CSMD1: variants seen among roughly 807,000 people sequenced by gnomAD.
The protein encoded by CSMD1 is CUB and sushi domain-containing protein 1.
In CSMD1, 213 loss-of-function variants were observed where a neutral mutation model predicts 417.5. The observed-to-expected ratio is 0.51, with a 90% confidence interval of 0.46 to 0.57. The LOEUF is 0.57. CSMD1 is among the 20% of genes least tolerant of loss of function. CSMD1 has a pLI of 0.00. For synonymous variants in CSMD1, 2,862 were observed against 1,736.8 expected (o/e 1.65, Z -16.11); for missense variants, 6,923 against 4,529.7 (o/e 1.53, Z -15.17).
chr8:4,186,299 G>A (rs573036881), intron 3 of CSMD1, among the ~76,000 whole-genome samples: 1 of 152,204 alleles, frequency 6.6e-6, no homozygotes, highest in Admixed American at 6.5e-5. Context: ...CGTGTTCAAG[G>A]TTGGGGGCAG....
At chr8:4,009,826 G>C (rs534452448) in intron 4 of CSMD1, among the ~76,000 whole-genome samples, 1 of 152,204 alleles carries the variant, frequency 6.6e-6, no homozygotes, top group African/African-American at 2.4e-5. Context: ...TTCTCAGAGA[G>C]TCAACCCCAC....
chr8:3,639,521 T>C (rs982907641), intron 7 of CSMD1, among the ~76,000 whole-genome samples: 1 of 152,126 alleles, frequency 6.6e-6, no homozygotes, highest in African/African-American at 2.4e-5. Flanking sequence ...AAGACACAGA[T>C]AACATAATAG....
chr8:4,675,471 C>A lies in CSMD1; in HGVS notation c.86-37913G>T, dbSNP rs186609478. Among the ~76,000 whole-genome samples the A allele has an allele frequency of 2.6e-5, 4 of 152,140 alleles. No individual in the cohort carries two copies. The East Asian group carries it at 7.7e-4, about 29-fold the overall frequency. On this transcript the variant is annotated intron_variant, in intron 1 of 69. Coordinates refer to ENST00000635120, the MANE Select transcript of CSMD1 (RefSeq NM_033225.6). ...GATTGTAAGAACATTAAATAAAGAA[C>A]AATACACGGATAACAAGTCATAAAT...
chr8:3,916,279 G>A (rs28445969), intron 5 of CSMD1, among the ~76,000 whole-genome samples: 2 of 151,986 alleles, frequency 1.3e-5, no homozygotes, highest in African/African-American at 2.4e-5. Flanking sequence ...AAGCTTTTGT[G>A]GAAAGTCTCA....
intron 26 of CSMD1, among the ~76,000 whole-genome samples, chr8:3,282,443 T>C (rs1802812061): frequency 6.6e-6 from 1 of 152,208 alleles, no homozygotes; most frequent in Admixed American, 6.5e-5. Context: ...CATAATCTCA[T>C]AACTTTCTCA....
intron 12 of CSMD1, among the ~76,000 whole-genome samples, chr8:3,435,742 G>A (rs755493653): frequency 3.2e-4 from 48 of 152,196 alleles, no homozygotes; most frequent in Admixed American, 7.8e-4. Context: ...ACTCAATCAG[G>A]TTCTTCCTCG....
chr8:4,649,834 T>C (rs543815944), intron 1 of CSMD1, among the ~76,000 whole-genome samples: 20 of 152,338 alleles, frequency 1.3e-4, no homozygotes, highest in African/African-American at 4.8e-4. Flanking sequence ...GATACTACAA[T>C]ATGAGTTATG....
intron 3 of CSMD1, among the ~76,000 whole-genome samples, chr8:4,109,020 T>C (rs1801716230): frequency 6.6e-6 from 1 of 152,190 alleles, no homozygotes; most frequent in African/African-American, 2.4e-5. Context: ...CCTCCATGGA[T>C]ACAAATATCT....
chr8:4,514,281 C>G (rs574245089), intron 2 of CSMD1, among the ~76,000 whole-genome samples: 11 of 151,918 alleles, frequency 7.2e-5, no homozygotes, highest in Non-Finnish European at 1.3e-4. Context: ...TGGATCAGGC[C>G]CCACTCTTAT....
intron 3 of CSMD1, among the ~76,000 whole-genome samples, chr8:4,050,144 C>A (rs1448238798): frequency 6.6e-6 from 1 of 152,142 alleles, no homozygotes; most frequent in Non-Finnish European, 1.5e-5. Context: ...CTCGTCGCAG[C>A]ATGCCAGGGA....
intron 2 of CSMD1, among the ~76,000 whole-genome samples, chr8:4,608,522 C>T (rs970648856): frequency 2.6e-5 from 4 of 152,164 alleles, no homozygotes; most frequent in African/African-American, 9.7e-5. Context: ...TGTGGAATCT[C>T]CATAAGAGAC....
intron 2 of CSMD1, among the ~76,000 whole-genome samples, chr8:4,451,411 G>C (rs1187242296): frequency 5.9e-5 from 9 of 152,172 alleles, no homozygotes; most frequent in Admixed American, 2.6e-4. Flanking sequence ...GCTATGATCA[G>C]TGTTTTCCAC....
At chr8:4,852,901 G>C (rs1182321747) in intron 1 of CSMD1, among the ~76,000 whole-genome samples, 1 of 152,146 alleles carries the variant, frequency 6.6e-6, no homozygotes, top group Non-Finnish European at 1.5e-5. Flanking sequence ...TCTGTGGAAG[G>C]TTGAGCTTAA....
chr8:4,139,901 A>G (rs1286310540), intron 3 of CSMD1, among the ~76,000 whole-genome samples: 4 of 151,016 alleles, frequency 2.6e-5, no homozygotes, highest in African/African-American at 5.0e-5. Context: ...GGTGGAAGGG[A>G]GGACACCTCA....
chr8:3,367,201 G>A lies in CSMD1; in HGVS notation c.2946C>T (p.Asp982=), dbSNP rs764549611. 6.2e-7 allele frequency: 1 copy of A among 1,613,566 alleles called. No individual in the cohort carries two copies. Among genetic ancestry groups the A allele is most frequent in the Non-Finnish European group, 8.5e-7 (1 of 1,179,730 alleles). Residue 982 remains aspartate (D), a synonymous_variant, in exon 20 of 70, where the codon GAC becomes GAT. Coordinates refer to ENST00000635120, the MANE Select transcript of CSMD1 (RefSeq NM_033225.6). ...FHTFHLESSH[D]YLLITEDGSF... ...TTCCATCCTCTGTGATCAGTAAATA[G>A]TCGTGGGAACTCTCAAGATGAAAGG...
chr8:4,454,258 C>G (rs1265091788), intron 2 of CSMD1, among the ~76,000 whole-genome samples: 1 of 152,196 alleles, frequency 6.6e-6, no homozygotes. Context: ...CTTACCGCCT[C>G]TCACTGCCTA....
In CSMD1 at chr8:3,102,171, G is replaced by T. The variant is rs1751768582; in HGVS notation, c.6949+4357C>A. ...CGTAATTTTTCTGAAGAATTTATTGGGAGATGGGCCCCCACTTGAGCACAA... is the reference window on the plus strand; with the variant it reads ...CGTAATTTTTCTGAAGAATTTATTGTGAGATGGGCCCCCACTTGAGCACAA... On this transcript the variant is annotated intron_variant, in intron 46 of 69. Transcript: ENST00000635120. Among the ~76,000 whole-genome samples, 3 of 152,222 alleles carry T rather than the reference G, an allele frequency of 2.0e-5. No individual in the cohort carries two copies. The South Asian group carries it at 6.2e-4, about 32-fold the overall frequency.
chr8:4,464,356 C>G (rs1800024746), intron 2 of CSMD1, among the ~76,000 whole-genome samples: 1 of 152,138 alleles, frequency 6.6e-6, no homozygotes, highest in Non-Finnish European at 1.5e-5. Context: ...ACATTGTAAG[C>G]TGAAAAGAGT....
At chr8:3,378,142 G>C (rs1464577277) in intron 18 of CSMD1, among the ~76,000 whole-genome samples, 1 of 152,180 alleles carries the variant, frequency 6.6e-6, no homozygotes, top group Admixed American at 6.5e-5. Context: ...CAATTAATAA[G>C]TTTTATTTTC....
Sources: allele counts gnomAD v4.1 joint callset (sites outside exome capture counted in the v4.1 genomes callset), GRCh38; gene constraint gnomAD v4.1.1; transcripts MANE v1.5; gene names NCBI Gene and HGNC (gene_info 2026-07-23, HGNC 2026-07-21).